The following BICC1 variants were observed in gnomAD, a reference collection of about 807,000 sequenced individuals.
The protein encoded by BICC1 is protein bicaudal C homolog 1.
Under a neutral mutation model 111.0 loss-of-function variants are expected in BICC1, and 43 were observed. The ratio of observed to expected loss-of-function variants is 0.39; its 90% CI spans 0.30 to 0.50. The LOEUF is 0.50. BICC1 is among the 20% of genes least tolerant of loss of function. BICC1 has a pLI of 0.88. For synonymous variants in BICC1, 467 were observed against 434.4 expected (o/e 1.07, Z -0.93); for missense variants, 1,091 against 1,203.2 (o/e 0.91, Z 1.38).
At chr10:58,701,595 A>T (rs1439582179) in intron 2 of BICC1, among the ~76,000 whole-genome samples, 1 of 152,218 alleles carries the variant, frequency 6.6e-6, no homozygotes, top group East Asian at 1.9e-4. Context: ...TTTTAATGAA[A>T]TACAAATGCA....
At chr10:58,673,929 C>A (rs1287943640) in intron 2 of BICC1, among the ~76,000 whole-genome samples, 1 of 150,400 alleles carries the variant, frequency 6.6e-6, no homozygotes, top group African/African-American at 2.5e-5. Flanking sequence ...CCATGCCCAG[C>A]CTATTTTTCT....
intron 2 of BICC1, among the ~76,000 whole-genome samples, chr10:58,694,876 T>C (rs1159858064): frequency 1.3e-5 from 2 of 152,154 alleles, no homozygotes; most frequent in Non-Finnish European, 2.9e-5. Context: ...GGTGGAGCTT[T>C]CAGAGTGACC....
intron 1 of BICC1, among the ~76,000 whole-genome samples, chr10:58,540,650 T>A (rs1042971753): frequency 3.3e-5 from 5 of 152,024 alleles, no homozygotes; most frequent in African/African-American, 1.2e-4. Flanking sequence ...CAGGACCAGA[T>A]GGCTTCACTG....
chr10:58,519,963 T>C (rs2132509763), intron 1 of BICC1, among the ~76,000 whole-genome samples: 1 of 152,300 alleles, frequency 6.6e-6, no homozygotes, highest in South Asian at 2.1e-4. Context: ...TCAGATTTGG[T>C]TTAGAATTGA....
chr10:58,784,175 T>A (rs1250660238), intron 3 of BICC1, among the ~76,000 whole-genome samples: 1 of 152,170 alleles, frequency 6.6e-6, no homozygotes, highest in African/African-American at 2.4e-5. Flanking sequence ...ATAATTTATT[T>A]GATTAAATTA....
intron 1 of BICC1, among the ~76,000 whole-genome samples, chr10:58,575,228 TG>T (rs1844075955): frequency 2.0e-5 from 3 of 152,156 alleles, no homozygotes; most frequent in South Asian, 4.1e-4. Flanking sequence ...TCCCCCTCTC[TG>T]TGTCCATGGG....
intron 2 of BICC1, among the ~76,000 whole-genome samples, chr10:58,678,327 T>C (rs11523359): frequency 6.6e-6 from 1 of 152,186 alleles, no homozygotes; most frequent in African/African-American, 2.4e-5. Flanking sequence ...ACACACATAG[T>C]CTCAAAATAA....
At chr10:58,739,612 C>A (rs561418875) in intron 3 of BICC1, among the ~76,000 whole-genome samples, 12 of 151,590 alleles carry the variant, frequency 7.9e-5, no homozygotes, top group African/African-American at 2.9e-4. Flanking sequence ...TAATATTTTT[C>A]TCCTCATTTG....
chr10:58,683,364 G>A (rs1029667259), intron 2 of BICC1, among the ~76,000 whole-genome samples: 10 of 152,084 alleles, frequency 6.6e-5, no homozygotes, highest in African/African-American at 1.9e-4. Context: ...TTGGCAATGC[G>A]GGCTCTTTTT....
chr10:58,759,982 A>G (rs1012117563), intron 3 of BICC1, among the ~76,000 whole-genome samples: 1 of 151,928 alleles, frequency 6.6e-6, no homozygotes, highest in Non-Finnish European at 1.5e-5. Context: ...AAAAAAAAAA[A>G]AAGAAGACAG....
At chr10:58,808,716 A>ATT (rs879655441) in intron 17 of BICC1, among the ~76,000 whole-genome samples, 127 of 74,860 alleles carry the variant, frequency 1.7e-3, no homozygotes, top group Middle Eastern at 6.5e-3. Context: ...ATTTAAAAAA[A>ATT]ATTTTTTTTT....
At chr10:58,595,805 T>G (rs1588907258) in intron 1 of BICC1, among the ~76,000 whole-genome samples, 1 of 151,988 alleles carries the variant, frequency 6.6e-6, no homozygotes, top group African/African-American at 2.4e-5. Context: ...TTAAAAGAAC[T>G]AGAGAAGCAA....
At chr10:58,658,065 T>C (rs1202695332) in intron 2 of BICC1, among the ~76,000 whole-genome samples, 1 of 152,164 alleles carries the variant, frequency 6.6e-6, no homozygotes, top group Non-Finnish European at 1.5e-5. Flanking sequence ...ATGATGAGTT[T>C]TTTCACTACG....
rs143764183 is a variant in BICC1 at position 58,783,411 on chromosome 10, A to G, written c.308-1590A>G. ...CTCTTTTTTGGTGAGGGGAGTGGCA[A>G]TTGCCCAATTGCAACATAAGAATAT... is the stretch of plus-strand genomic sequence containing the variant. On this transcript the variant is annotated intron_variant, in intron 3 of 20. Coordinates refer to ENST00000373886, the MANE Select transcript of BICC1 (RefSeq NM_001080512.3). 2.5e-3 allele frequency among the ~76,000 whole-genome samples: 376 copies of G among 151,458 alleles called. 3 individuals carry two copies. Among genetic ancestry groups the G allele is most frequent in the African/African-American group, 8.3e-3 (342 of 41,298 alleles).
intron 2 of BICC1, among the ~76,000 whole-genome samples, chr10:58,687,543 G>C (rs559184580): frequency 1.3e-5 from 2 of 152,294 alleles, no homozygotes; most frequent in Admixed American, 1.3e-4. Flanking sequence ...TGGCCACTTT[G>C]TTTATGTACT....
Position 58,785,175 on chromosome 10 carries a change from C to G in BICC1, c.387+95C>G, listed in dbSNP as rs987834013. ...AAAGAACCATTTGGAGAAGAAAAAC[C>G]AGGAGAAAGTAATGGTGGGTTTTAA... On this transcript the variant is annotated intron_variant, in intron 4 of 20. Coordinates refer to ENST00000373886, the MANE Select transcript of BICC1 (RefSeq NM_001080512.3). 25 of 632,820 alleles carry G rather than the reference C, an allele frequency of 4.0e-5. No homozygotes were observed. In the African/African-American group the frequency reaches 4.2e-4, roughly 11 times the overall value. 39.2% of individuals were successfully genotyped at this position (632,820 alleles called of 1,614,324 possible). A position where few individuals can be genotyped will look rare whatever the true frequency, so the allele number is the denominator to read the frequency against.
chr10:58,599,490 C>T (rs58548609), intron 1 of BICC1, among the ~76,000 whole-genome samples: 2,550 of 152,050 alleles, frequency 0.017, 55 homozygotes, highest in African/African-American at 0.052. Context: ...TCACACACTG[C>T]GGCTTGTCAG....
At chr10:58,824,207 C>T in intron 20 of BICC1, 2 of 556,774 alleles carry the variant, frequency 3.6e-6, no homozygotes, top group Non-Finnish European at 4.6e-6. Context: ...TTCCATCAAG[C>T]ATGTGAGGTT....
At chr10:58,535,855 T>C (rs1247761112) in intron 1 of BICC1, among the ~76,000 whole-genome samples, 1 of 150,996 alleles carries the variant, frequency 6.6e-6, no homozygotes, top group Non-Finnish European at 1.5e-5. Flanking sequence ...AGGATTCTTA[T>C]AGACCCAAGG....
Sources: gnomAD v4.1 joint callset for allele counts (sites outside exome capture counted in the v4.1 genomes callset) on GRCh38, gnomAD v4.1.1 for gene constraint, MANE v1.5 for transcripts, NCBI Gene and HGNC (gene_info 2026-07-23, HGNC 2026-07-21) for gene names.